The following MAOA variants were observed in gnomAD, a reference collection of about 807,000 sequenced individuals.
MAOA encodes the protein amine oxidase [flavin-containing] A.
MAOA carries 6 observed loss-of-function variants against 42.0 expected under a neutral mutation model. That is an observed-to-expected ratio of 0.14 (90% CI 0.08 to 0.28). MAOA has a LOEUF of 0.28. MAOA is among the 10% of genes least tolerant of loss of function. The pLI is 1.00. For synonymous variants in MAOA, 140 were observed against 154.0 expected (o/e 0.91, Z 0.67); for missense variants, 262 against 422.3 (o/e 0.62, Z 3.33).
In MAOA at chrX:43,744,574, C is replaced by G; in HGVS notation, c.*61C>G. 2 of 1,146,375 alleles carry G rather than the reference C, an allele frequency of 1.7e-6. No individual in the cohort carries two copies. The highest frequency in any genetic ancestry group is 2.4e-6 in the Non-Finnish European group (2 of 836,852). 94.5% of individuals were successfully genotyped at this position (1,146,375 alleles called of 1,213,427 possible). A position where few individuals can be genotyped will look rare whatever the true frequency, so the allele number is the denominator to read the frequency against. On this transcript the variant is annotated 3_prime_UTR_variant, in exon 15 of 15. Transcript: ENST00000338702. The stretch of plus-strand genomic sequence containing the variant: ...AATACCACCAAGAGGAAAATATTGA[C>G]AAGTTTAAAGGCTGTGTCATTGGGC...
At chrX:43,703,911 A>G (rs1433532272) in intron 3 of MAOA, among the ~76,000 whole-genome samples, 1 of 111,855 alleles carries the variant, frequency 8.9e-6, no homozygotes, top group Non-Finnish European at 1.9e-5. Context: ...AAGTGTTTTT[A>G]GAGATTTAGG....
At position 43,737,288 on chromosome X, in the gene MAOA, A is replaced by G. The variant is rs187540222; in HGVS notation, c.1106+1008A>G. Among the ~76,000 whole-genome samples, 185 of 111,290 alleles carry G rather than the reference A, an allele frequency of 1.7e-3. 1 individual carries two copies. The highest frequency in any genetic ancestry group is 5.8e-3 in the African/African-American group (177 of 30,633). On this transcript the variant is annotated intron_variant, in intron 10 of 14. Transcript: ENST00000338702. ...GTTAAAAATAAACTCTACTCACTCA[A>G]TGGAGGAGGGATTTGGGGTCCAGTG...
At chrX:43,731,953 C>A in intron 8 of MAOA, 100 bp downstream of exon 8, 2 of 821,735 alleles carry the variant, frequency 2.4e-6, no homozygotes, top group Non-Finnish European at 3.6e-6. Flanking sequence ...AAAGTATTTT[C>A]AAACTGGTAG....
At position 43,746,080 on chromosome X, in the gene MAOA, A is replaced by G. The variant is rs1364639890; in HGVS notation, c.*1567A>G. The stretch of plus-strand genomic sequence containing the variant: ...TCCAGTACATAAGGAGTTGCCGCAT[A>G]TTATATCAGACTGCTTTGAGAAATC... On this transcript the variant is annotated 3_prime_UTR_variant, in exon 15 of 15. Coordinates refer to ENST00000338702, the MANE Select transcript of MAOA (RefSeq NM_000240.4). 1 of 111,772 alleles carries G rather than the reference A, an allele frequency of 8.9e-6. No homozygotes were observed. Among genetic ancestry groups the G allele is most frequent in the East Asian group, 2.8e-4 (1 of 3,547 alleles). The allele number at this position is 111,772 out of a possible 1,213,427, so 9.2% of individuals were successfully genotyped here. A position where few individuals can be genotyped will look rare whatever the true frequency, so the allele number is the denominator to read the frequency against.
rs765587940 is a variant in MAOA at position 43,718,965 on chromosome X, CA to C, written c.503+6172del. 3.6e-5 allele frequency among the ~76,000 whole-genome samples: 4 copies of C among 110,754 alleles called. No homozygotes were observed. In the East Asian group the frequency reaches 8.7e-4, roughly 24 times the overall value. On this transcript the variant is annotated intron_variant, in intron 5 of 14. Transcript: ENST00000338702. Reference sequence around the variant, plus strand: ...ACGATGGTATCTTCCAGGGATGACCCAAAGGGGCAGAGGGACACAGGGTGGA... The same window carrying C: ...ACGATGGTATCTTCCAGGGATGACCCAAGGGGCAGAGGGACACAGGGTGGA...
chrX:43,734,256 A>G (rs973100793), intron 9 of MAOA, among the ~76,000 whole-genome samples: 2 of 109,684 alleles, frequency 1.8e-5, no homozygotes, highest in African/African-American at 6.6e-5. Context: ...AACAAATATA[A>G]AATAATAATA....
chrX:43,734,107 A>T (rs1429694670), intron 9 of MAOA, among the ~76,000 whole-genome samples: 3 of 100,025 alleles, frequency 3.0e-5, no homozygotes. Context: ...AGATATAGTG[A>T]TGTCTTCTGC....
Position 43,736,289 on chromosome X carries a change from T to G in MAOA, c.1106+9T>G, listed in dbSNP as rs749342948. On this transcript the variant is annotated intron_variant, in intron 10 of 14. Transcript: ENST00000338702. ...CTACATAAGGAAATAAGGTAAGAAT[T>G]TATAACTGAAAAATAGATGAAAAAG... 4.3e-6 allele frequency: 5 copies of G among 1,152,477 alleles called. No homozygotes were observed. Among genetic ancestry groups the G allele is most frequent in the South Asian group, 3.7e-5 (2 of 54,347 alleles). 95.0% of individuals were successfully genotyped at this position (1,152,477 alleles called of 1,213,427 possible). A position where few individuals can be genotyped will look rare whatever the true frequency, so the allele number is the denominator to read the frequency against.
At chrX:43,714,287 G>A (rs1024636473) in intron 5 of MAOA, among the ~76,000 whole-genome samples, 8 of 111,126 alleles carry the variant, frequency 7.2e-5, no homozygotes, top group African/African-American at 2.6e-4. Flanking sequence ...TTCTAGGAAT[G>A]AGCCACAGGG....
intron 5 of MAOA, among the ~76,000 whole-genome samples, chrX:43,713,296 A>T (rs1403719148): frequency 2.7e-5 from 3 of 111,183 alleles, no homozygotes; most frequent in African/African-American, 9.8e-5. Flanking sequence ...GAAGACATGG[A>T]TGCAGGGAGG....
At chrX:43,659,745 C>T (rs1278439436) in intron 1 of MAOA, among the ~76,000 whole-genome samples, 5 of 111,243 alleles carry the variant, frequency 4.5e-5, no homozygotes. Flanking sequence ...AGCTTCTTTT[C>T]CTCAGTTCCT....
chrX:43,684,866 T>C (rs904719926), intron 2 of MAOA, among the ~76,000 whole-genome samples: 7 of 96,365 alleles, frequency 7.3e-5, no homozygotes, highest in African/African-American at 2.7e-4. Context: ...TTTCTTTTCT[T>C]TTCTTTTCTT....
chrX:43,727,074 A>C (rs2033843219), intron 5 of MAOA, among the ~76,000 whole-genome samples: 1 of 111,816 alleles, frequency 8.9e-6, no homozygotes, highest in African/African-American at 3.3e-5. Context: ...CACCCACCAG[A>C]TGCCAGCCAG....
At chrX:43,739,763 T>C (rs1174759220) in intron 10 of MAOA, among the ~76,000 whole-genome samples, 1 of 112,236 alleles carries the variant, frequency 8.9e-6, no homozygotes, top group Non-Finnish European at 1.9e-5. Context: ...TAGAGCATTT[T>C]CAAATGTTTA....
chrX:43,692,000 GACACAC>G (rs753022851), intron 2 of MAOA, among the ~76,000 whole-genome samples: 5 of 65,013 alleles, frequency 7.7e-5, no homozygotes, highest in African/African-American at 2.5e-4. Context: ...GCACTGTATA[GACACAC>G]ACACACACAC....
intron 1 of MAOA, among the ~76,000 whole-genome samples, chrX:43,667,341 TG>T (rs1459692036): frequency 9.0e-6 from 1 of 111,294 alleles, no homozygotes; most frequent in Non-Finnish European, 1.9e-5. Context: ...CCCATAAAAG[TG>T]TAAGCTTCAT....
At chrX:43,688,780 A>G (rs2147083121) in intron 2 of MAOA, among the ~76,000 whole-genome samples, 1 of 111,740 alleles carries the variant, frequency 8.9e-6, no homozygotes, top group Non-Finnish European at 1.9e-5. Flanking sequence ...TATGTTAAAA[A>G]TTCTCTGTTC....
At chrX:43,743,696 T>C in intron 12 of MAOA, 98 bp from the exon 13 acceptor site, 1 of 993,169 alleles carries the variant, frequency 1.0e-6, no homozygotes, top group Non-Finnish European at 1.4e-6. Context: ...CAGTCTGAAT[T>C]TCTGTGCCTT....
At chrX:43,686,099 G>T (rs148317192) in intron 2 of MAOA, among the ~76,000 whole-genome samples, 44 of 112,325 alleles carry the variant, frequency 3.9e-4, no homozygotes, top group African/African-American at 1.3e-3. Flanking sequence ...CTGCCTGTAT[G>T]CCTTTATTAG....
Sources: allele counts gnomAD v4.1 joint callset (sites outside exome capture counted in the v4.1 genomes callset), GRCh38; gene constraint gnomAD v4.1.1; transcripts MANE v1.5; gene names NCBI Gene and HGNC (gene_info 2026-07-23, HGNC 2026-07-21).